The following FBXL13 variants were observed in gnomAD, a reference collection of about 807,000 sequenced individuals.
The protein encoded by FBXL13 is F-box and leucine rich repeat protein 13, also known as F-box and leucine-rich repeat protein 13.
A neutral mutation model predicts 83.6 loss-of-function variants in FBXL13; 67 were observed. The ratio of observed to expected loss-of-function variants is 0.80; its 90% CI spans 0.66 to 0.98. The LOEUF (loss-of-function observed/expected upper bound fraction) is 0.98, where lower values mean the gene tolerates loss of function less well. Among genes scored for constraint, FBXL13 ranks in the 50% least tolerant of loss-of-function variants. The pLI is 0.00. For synonymous variants in FBXL13, 272 were observed against 299.5 expected (o/e 0.91, Z 0.95); for missense variants, 822 against 866.5 (o/e 0.95, Z 0.64).
chr7:102,944,290 G>C, intron 8 of FBXL13: 1 of 1,613,926 alleles, frequency 6.2e-7, no homozygotes, highest in South Asian at 1.1e-5. Context: ...TGGCGTATTA[G>C]AAGACTTGTA....
At chr7:103,063,517 C>G (rs1798116390) in intron 1 of FBXL13, among the ~76,000 whole-genome samples, 1 of 152,158 alleles carries the variant, frequency 6.6e-6, no homozygotes, top group Non-Finnish European at 1.5e-5. Flanking sequence ...TTAAACTGAT[C>G]TGCCTGAGGA....
At chr7:103,066,299 C>T (rs1197517295) in intron 1 of FBXL13, among the ~76,000 whole-genome samples, 1 of 152,176 alleles carries the variant, frequency 6.6e-6, no homozygotes, top group Non-Finnish European at 1.5e-5. Flanking sequence ...TCACCTTAAA[C>T]ATCTTTCAAT....
intron 8 of FBXL13, chr7:102,933,005 G>A (rs780510625): frequency 2.6e-5 from 4 of 152,246 alleles, no homozygotes; most frequent in Admixed American, 1.3e-4. Context: ...ACTTTCTAGC[G>A]GGGAGACACT....
At chr7:102,941,839 C>T (rs1563126602) in intron 8 of FBXL13, among the ~76,000 whole-genome samples, 2 of 151,330 alleles carry the variant, frequency 1.3e-5, no homozygotes, top group African/African-American at 4.9e-5. Context: ...TTAGTTACAA[C>T]AAAACTAGTA....
chr7:102,955,805 C>T (rs1243215706), intron 8 of FBXL13, among the ~76,000 whole-genome samples: 1 of 152,054 alleles, frequency 6.6e-6, no homozygotes, highest in Admixed American at 6.5e-5. Context: ...AATTCCTGGA[C>T]ACATACACCC....
At chr7:102,998,315 G>A (rs1053971754) in intron 6 of FBXL13, among the ~76,000 whole-genome samples, 2 of 152,098 alleles carry the variant, frequency 1.3e-5, no homozygotes, top group African/African-American at 4.8e-5. Context: ...CAGATGGGCA[G>A]TTTGCAAATA....
At chr7:103,033,660 C>T (rs552827832) in intron 2 of FBXL13, among the ~76,000 whole-genome samples, 3 of 152,226 alleles carry the variant, frequency 2.0e-5, no homozygotes, top group South Asian at 4.1e-4. Context: ...AGGAGTGAAG[C>T]TGCAGACCTT....
At chr7:102,849,214 T>C (rs1305122592) in intron 17 of FBXL13, among the ~76,000 whole-genome samples, 1 of 152,220 alleles carries the variant, frequency 6.6e-6, no homozygotes, top group African/African-American at 2.4e-5. Context: ...ATCAAACATC[T>C]TCTCCAAAAT....
chr7:102,953,827 A>AT (rs1433938836), intron 8 of FBXL13, among the ~76,000 whole-genome samples: 1 of 152,088 alleles, frequency 6.6e-6, no homozygotes, highest in African/African-American at 2.4e-5. Context: ...ACTTGAGTCC[A>AT]TTTCCTTCCT....
At chr7:103,020,908 C>T (rs1322652652) in intron 6 of FBXL13, among the ~76,000 whole-genome samples, 1 of 152,124 alleles carries the variant, frequency 6.6e-6, no homozygotes, top group Non-Finnish European at 1.5e-5. Context: ...GCCATACTAC[C>T]CAAGGTAATT....
At chr7:102,850,383 A>G (rs17136111) in intron 17 of FBXL13, among the ~76,000 whole-genome samples, 1,560 of 152,288 alleles carry the variant, frequency 0.01, 23 homozygotes, top group African/African-American at 0.035. Context: ...TTAAGAGGCT[A>G]TGTCATCACC....
In FBXL13 at chr7:102,834,094, GAA is replaced by G. The variant is rs1248137728; in HGVS notation, c.1720-1122_1720-1121del. ...GAAGGAAGGAAGGAAAGAAAAGAAA[GAA>G]AGAAAGAAAGAAAGAAAGAAAGAAA... On this transcript the variant is annotated intron_variant, in intron 17 of 19. Coordinates refer to ENST00000313221, the Ensembl canonical transcript of FBXL13. 5.6e-4 allele frequency among the ~76,000 whole-genome samples: 49 copies of G among 86,740 alleles called. 1 individual carries two copies. Among genetic ancestry groups the G allele is most frequent in the African/African-American group, 2.3e-3 (42 of 18,300 alleles). The allele number at this position is 86,740 out of a possible 152,430, so 56.9% of individuals were successfully genotyped here. A position where few individuals can be genotyped will look rare whatever the true frequency, so the allele number is the denominator to read the frequency against.
intron 16 of FBXL13, among the ~76,000 whole-genome samples, chr7:102,874,134 T>A (rs1009747317): frequency 3.3e-5 from 5 of 152,200 alleles, no homozygotes; most frequent in Non-Finnish European, 7.3e-5. Context: ...ACATGGGAAA[T>A]TTTCTCCCAA....
At chr7:102,898,792 G>T (rs529426563) in intron 11 of FBXL13, among the ~76,000 whole-genome samples, 1 of 152,338 alleles carries the variant, frequency 6.6e-6, no homozygotes, top group African/African-American at 2.4e-5. Context: ...ACATGAGCAT[G>T]TGACTAATGG....
At chr7:102,913,091 T>G (rs745670997) in exon 11 of FBXL13, 2 of 1,614,082 alleles carry the variant, frequency 1.2e-6, no homozygotes, top group Admixed American at 1.7e-5. Context: ...CAAACCTGGG[T>G]GCAGCCAGAG....
intron 2 of FBXL13, among the ~76,000 whole-genome samples, chr7:103,043,706 G>T (rs1012412904): frequency 1.3e-5 from 2 of 151,954 alleles, no homozygotes; most frequent in Non-Finnish European, 2.9e-5. Flanking sequence ...TAAAGACAGG[G>T]TTTCACCATG....
At chr7:103,015,235 C>G (rs113589341) in intron 6 of FBXL13, among the ~76,000 whole-genome samples, 1,896 of 152,262 alleles carry the variant, frequency 0.012, 40 homozygotes, top group African/African-American at 0.043. Flanking sequence ...CAGCCAACAT[C>G]CTACTGAATG....
intron 1 of FBXL13, among the ~76,000 whole-genome samples, chr7:103,067,461 G>T (rs1758188142): frequency 6.6e-6 from 1 of 152,228 alleles, no homozygotes; most frequent in African/African-American, 2.4e-5. Context: ...CACTTGTAAT[G>T]AAGAGAATAC....
At chr7:102,994,313 A>G (rs1829874453) in intron 6 of FBXL13, among the ~76,000 whole-genome samples, 2 of 151,792 alleles carry the variant, frequency 1.3e-5, no homozygotes, top group Non-Finnish European at 2.9e-5. Flanking sequence ...TAAAAAAGTT[A>G]CCCTTGTTTT....
Sources: gnomAD v4.1 joint callset for allele counts (sites outside exome capture counted in the v4.1 genomes callset) on GRCh38, gnomAD v4.1.1 for gene constraint, MANE v1.5 for transcripts, NCBI Gene and HGNC (gene_info 2026-07-23, HGNC 2026-07-21) for gene names.